The following NEDD4L variants were observed in gnomAD, a reference collection of about 807,000 sequenced individuals.
NEDD4L encodes E3 ubiquitin-protein ligase NEDD4-like.
Under a neutral mutation model 148.9 loss-of-function variants are expected in NEDD4L, and 54 were observed. The observed-to-expected ratio is 0.36, with a 90% CI of 0.29 to 0.45. NEDD4L has a LOEUF of 0.45. Ranked by LOEUF, NEDD4L falls within the 20% of genes least tolerant of loss-of-function variation. The pLI is 1.00. For missense variants in NEDD4L, 856 were observed against 1,233.8 expected (o/e 0.69, Z 4.59); for synonymous variants, 433 against 440.7 (o/e 0.98, Z 0.22).
rs531881374 is a variant in NEDD4L, at chr18:58,392,309, G to A, written c.2825+750G>A. 3.3e-5 allele frequency among the ~76,000 whole-genome samples: 5 copies of A among 152,348 alleles called. No homozygotes were observed. In the East Asian group the frequency reaches 9.6e-4, roughly 29 times the overall value. On this transcript the variant is annotated intron_variant, in intron 30 of 30. Coordinates refer to ENST00000400345, the MANE Select transcript of NEDD4L (RefSeq NM_001144967.3). ...GGAAGCAGCAGAAGTGGGCCTTCTGGAAAACGGTGAGCAGCGTAGCCCTGT... is the reference window on the plus strand; with the variant it reads ...GGAAGCAGCAGAAGTGGGCCTTCTGAAAAACGGTGAGCAGCGTAGCCCTGT...
chr18:58,333,994 C>T, intron 12 of NEDD4L, 102 bp downstream of exon 12: 1 of 695,622 alleles, frequency 1.4e-6, no homozygotes, highest in Admixed American at 3.1e-5. Context: ...AATTTATTTA[C>T]AATATAAATG....
intron 5 of NEDD4L, among the ~76,000 whole-genome samples, chr18:58,252,730 A>C (rs1484446927): frequency 6.6e-6 from 1 of 151,822 alleles, no homozygotes; most frequent in Admixed American, 6.6e-5. Flanking sequence ...ATTGTTTTTA[A>C]TTTTTTTTAG....
At chr18:58,130,965 T>C (rs1410817415) in intron 1 of NEDD4L, among the ~76,000 whole-genome samples, 1 of 135,378 alleles carries the variant, frequency 7.4e-6, no homozygotes, top group African/African-American at 2.8e-5. Flanking sequence ...CTAGCAGAAC[T>C]GTGGTGGTGT....
At chr18:58,364,771 T>C (rs996912049) in intron 20 of NEDD4L, among the ~76,000 whole-genome samples, 16 of 152,374 alleles carry the variant, frequency 1.1e-4, no homozygotes, top group African/African-American at 3.8e-4. Flanking sequence ...TATAGTGTTA[T>C]ATTTAATTAT....
At chr18:58,361,326 C>T (rs777995416) in intron 19 of NEDD4L, among the ~76,000 whole-genome samples, 28 of 152,280 alleles carry the variant, frequency 1.8e-4, no homozygotes, top group Non-Finnish European at 3.5e-4. Flanking sequence ...GTTCAGCATT[C>T]CTGTAAGTTA....
Position 58,256,218 on chromosome 18 carries a change from A to T in NEDD4L, c.297+4164A>T. The T allele has an allele frequency of 8.2e-7, 1 of 1,224,000 alleles. No homozygotes were observed. The highest frequency in any genetic ancestry group is 1.0e-6 in the Non-Finnish European group (1 of 983,028). The allele number at this position is 1,224,000 out of a possible 1,614,324, so 75.8% of individuals were successfully genotyped here. A position where few individuals can be genotyped will look rare whatever the true frequency, so the allele number is the denominator to read the frequency against. On this transcript the variant is annotated intron_variant, in intron 5 of 30. Coordinates refer to ENST00000400345, the MANE Select transcript of NEDD4L (RefSeq NM_001144967.3). The surrounding 1 kb of genome is among the most constrained non-coding windows in gnomAD (Gnocchi z 5.2). ...GAGGCTGCCCCGGGCCTGCGCATCC[A>T]GCACCGCGCCTCCAGCGCCGACGTG...
At chr18:58,054,807 T>C (rs1405431710) in intron 1 of NEDD4L, 1 of 152,230 alleles carries the variant, frequency 6.6e-6, no homozygotes, top group African/African-American at 2.4e-5. Flanking sequence ...GAACTACATC[T>C]ACAGGGAGCT....
chr18:58,262,631 G>GAA (rs11296007), intron 5 of NEDD4L, among the ~76,000 whole-genome samples: 4 of 138,686 alleles, frequency 2.9e-5, no homozygotes, highest in African/African-American at 5.4e-5. Context: ...TCTGTCTCAG[G>GAA]AAAAAAAAAA....
rs60670105 is a variant in NEDD4L, at chr18:58,134,586, A to T, written c.49-31202A>T. ...ACGGGGTTTCACCGTTTTAGCCGGG[A>T]TGGTCTCGATCTCCTGACCTCGTGA... On this transcript the variant is annotated intron_variant, in intron 1 of 30. Transcript: ENST00000400345. 2.3e-3 allele frequency among the ~76,000 whole-genome samples: 8 copies of T among 3,420 alleles called. 4 individuals carry two copies. Among genetic ancestry groups the T allele is most frequent in the African/African-American group, 9.0e-3 (6 of 664 alleles). 2.2% of individuals were successfully genotyped at this position (3,420 alleles called of 152,430 possible). A position where few individuals can be genotyped will look rare whatever the true frequency, so the allele number is the denominator to read the frequency against.
intron 2 of NEDD4L, among the ~76,000 whole-genome samples, chr18:58,236,402 G>GTT (rs956919304): frequency 6.6e-6 from 1 of 152,148 alleles, no homozygotes; most frequent in African/African-American, 2.4e-5. Flanking sequence ...TTGGGTTAAC[G>GTT]TTTCTTCTTC....
intron 5 of NEDD4L, among the ~76,000 whole-genome samples, chr18:58,263,868 TCTGG>T: frequency 6.6e-6 from 1 of 152,106 alleles, no homozygotes; most frequent in Non-Finnish European, 1.5e-5. Flanking sequence ...CAGGAGGTCT[TCTGG>T]CTAGGAGTTA....
chr18:58,380,112 T>C, intron 24 of NEDD4L, among the ~76,000 whole-genome samples: 1 of 151,788 alleles, frequency 6.6e-6, no homozygotes. Context: ...ACCTCCATAA[T>C]AAAAATAAAG....
At chr18:58,230,133 A>T (rs2044954761) in intron 2 of NEDD4L, among the ~76,000 whole-genome samples, 1 of 152,246 alleles carries the variant, frequency 6.6e-6, no homozygotes, top group African/African-American at 2.4e-5. Context: ...TGAGCTGAAG[A>T]TCTATATTTA....
At chr18:58,195,214 T>TG (rs1200827766) in intron 2 of NEDD4L, among the ~76,000 whole-genome samples, 2 of 152,240 alleles carry the variant, frequency 1.3e-5, no homozygotes, top group Non-Finnish European at 1.5e-5. Context: ...CAGGGTCACC[T>TG]GGGCCAAGCC....
chr18:58,096,253 C>T (rs1367296034), intron 1 of NEDD4L, among the ~76,000 whole-genome samples: 1 of 151,906 alleles, frequency 6.6e-6, no homozygotes, highest in East Asian at 1.9e-4. Context: ...AATATTGAAT[C>T]AATTACATTT....
intron 1 of NEDD4L, among the ~76,000 whole-genome samples, chr18:58,101,594 C>T (rs938857390): frequency 2.0e-5 from 3 of 151,884 alleles, no homozygotes; most frequent in Admixed American, 6.6e-5. Flanking sequence ...ACTGGGCCTG[C>T]GAGCCTCCAT....
intron 1 of NEDD4L, among the ~76,000 whole-genome samples, chr18:58,075,615 G>A (rs2083115890): frequency 6.6e-6 from 1 of 152,114 alleles, no homozygotes; most frequent in Admixed American, 6.5e-5. Context: ...GCATCTAGCT[G>A]GGAAGTACTT....
At chr18:58,351,998 T>C (rs569786409) in intron 18 of NEDD4L, among the ~76,000 whole-genome samples, 21 of 152,324 alleles carry the variant, frequency 1.4e-4, no homozygotes, top group East Asian at 1.2e-3. Flanking sequence ...GGCAGAGACA[T>C]TGTGAACAGA....
chr18:58,146,323 A>G lies in NEDD4L; in HGVS notation c.49-19465A>G, dbSNP rs894593792. On this transcript the variant is annotated intron_variant, in intron 1 of 30. Transcript: ENST00000400345. Reference sequence around the variant, plus strand: ...GCATGGCTCTGGGTGTGAGCACAACATAGGCAGATGTGTCTGGGGCTCAGG... The same window carrying G: ...GCATGGCTCTGGGTGTGAGCACAACGTAGGCAGATGTGTCTGGGGCTCAGG... Among the ~76,000 whole-genome samples the G allele has an allele frequency of 7.9e-5, 12 of 152,180 alleles. No individual in the cohort carries two copies. The East Asian group carries it at 2.1e-3, about 27-fold the overall frequency.
Sources: gnomAD v4.1 joint callset for allele counts (sites outside exome capture counted in the v4.1 genomes callset) on GRCh38, gnomAD v4.1.1 for gene constraint, Gnocchi (gnomAD v3.1) non-coding constraint, MANE v1.5 for transcripts, NCBI Gene and HGNC (gene_info 2026-07-23, HGNC 2026-07-21) for gene names.